ACVR2B: variants seen among roughly 807,000 people sequenced by gnomAD.
ACVR2B encodes the protein activin receptor type-2B.
Under a neutral mutation model 65.1 loss-of-function variants are expected in ACVR2B, and 18 were observed. That is an observed-to-expected ratio of 0.28 (90% CI 0.19 to 0.41). The LOEUF (loss-of-function observed/expected upper bound fraction) is 0.41. Among genes scored for constraint, ACVR2B ranks in the 10% least tolerant of loss-of-function variants. ACVR2B has a pLI of 1.00. For missense variants in ACVR2B, 482 were observed against 682.7 expected (o/e 0.71, Z 3.28); for synonymous variants, 298 against 277.7 (o/e 1.07, Z -0.73).
intron 1 of ACVR2B, chr3:38,476,279 G>A (rs752277596): frequency 6.6e-6 from 1 of 152,260 alleles, no homozygotes; most frequent in Non-Finnish European, 1.5e-5. Context: ...GAATGGGCAG[G>A]TGGGGGTTGA....
intron 10 of ACVR2B, among the ~76,000 whole-genome samples, 187 bp from the exon 11 acceptor site, chr3:38,482,951 G>C (rs1267360786): frequency 1.3e-5 from 2 of 152,170 alleles, no homozygotes; most frequent in Non-Finnish European, 2.9e-5. Context: ...AAAGATGACT[G>C]CCATGAAGGC....
rs886058388 is a variant in ACVR2B, at chr3:38,483,478, T to C, written c.*146T>C. 5.0e-5 allele frequency: 15 copies of C among 302,696 alleles called. No individual in the cohort carries two copies. Among genetic ancestry groups the C allele is most frequent in the Non-Finnish European group, 7.2e-5 (13 of 179,816 alleles). 18.8% of individuals were successfully genotyped at this position (302,696 alleles called of 1,614,324 possible). Reference sequence around the variant, plus strand: ...CCTTGACTTTTTATTATTATTATTATAATTATTATAATTATTATTATTAAT... The same window carrying C: ...CCTTGACTTTTTATTATTATTATTACAATTATTATAATTATTATTATTAAT... On this transcript the variant is annotated 3_prime_UTR_variant, in exon 11 of 11. Coordinates refer to ENST00000352511, the MANE Select transcript of ACVR2B (RefSeq NM_001106.4). The surrounding 1 kb of genome is among the most constrained non-coding windows in gnomAD (Gnocchi z 4.8).
At position 38,478,296 on chromosome 3, in the gene ACVR2B, A is replaced by G; in HGVS notation, c.522+4A>G. On this transcript the variant is annotated splice_donor_region_variant and intron_variant, in intron 4 of 10. Coordinates refer to ENST00000352511, the MANE Select transcript of ACVR2B (RefSeq NM_001106.4). ...CGGTCATGTGGACATCCATGAGGTGAGACAGTGCTGGCTTGGGGCAGGGCA... is the reference window on the plus strand; with the variant it reads ...CGGTCATGTGGACATCCATGAGGTGGGACAGTGCTGGCTTGGGGCAGGGCA... The G allele has an allele frequency of 2.5e-6, 4 of 1,613,886 alleles. No homozygotes were observed. Among genetic ancestry groups the G allele is most frequent in the Non-Finnish European group, 3.4e-6 (4 of 1,179,950 alleles).
At position 38,479,602 on chromosome 3, in the gene ACVR2B, C is replaced by T. The variant is rs908370234; in HGVS notation, c.811-76C>T. 23 of 1,566,618 alleles carry T rather than the reference C, an allele frequency of 1.5e-5. No homozygotes were observed. The Admixed American group carries it at 3.3e-4, about 23-fold the overall frequency. ...CAGCCTAGCCATTGGCCCACTGAGA[C>T]TTCTCTGCCAGGGCTGGGCTGGGTC... On this transcript the variant is annotated intron_variant, in intron 6 of 10. Transcript: ENST00000352511.
Position 38,481,345 on chromosome 3 carries a change from C to G in ACVR2B, c.960-6C>G. On this transcript the variant is annotated splice_region_variant and splice_polypyrimidine_tract_variant and intron_variant, in intron 7 of 10. Coordinates refer to ENST00000352511, the MANE Select transcript of ACVR2B (RefSeq NM_001106.4). This position sits in a 1 kb window ranked among gnomAD's most constrained non-coding sequence, Gnocchi z 4.7. ...AAGCTTTATCTCTGCCCACTTGTTT[C>G]CACAGGGACTTTAAAAGTAAGAATG... 6.2e-7 allele frequency: 1 copy of G among 1,611,010 alleles called. No individual in the cohort carries two copies. The highest frequency in any genetic ancestry group is 8.5e-7 in the Non-Finnish European group (1 of 1,177,224).
chr3:38,465,994 A>G (rs1709720800), intron 1 of ACVR2B, among the ~76,000 whole-genome samples: 1 of 152,278 alleles, frequency 6.6e-6, no homozygotes, highest in Non-Finnish European at 1.5e-5. Flanking sequence ...GCCAGAAGAT[A>G]ATAGAATGAT....
chr3:38,463,037 G>A (rs868638916), intron 1 of ACVR2B, among the ~76,000 whole-genome samples: 8 of 152,076 alleles, frequency 5.3e-5, no homozygotes, highest in Non-Finnish European at 1.2e-4. Flanking sequence ...AAGGGTGCGC[G>A]GACATGGGAA....
At chr3:38,454,576 G>C (rs899819031) in intron 1 of ACVR2B, 18 of 388,794 alleles carry the variant, frequency 4.6e-5, no homozygotes, top group Middle Eastern at 7.0e-4. Context: ...TGTCTGTGCA[G>C]TCATCTGCGG....
intron 1 of ACVR2B, chr3:38,473,815 A>T (rs950615684): frequency 2.6e-5 from 4 of 152,294 alleles, no homozygotes; most frequent in African/African-American, 9.6e-5. Context: ...TAGGACTTGA[A>T]GTCTGGCCCG....
chr3:38,479,781 T>C lies in ACVR2B; in HGVS notation c.914T>C (p.Val305Ala), dbSNP rs1559654509. The C allele has an allele frequency of 6.2e-7, 1 of 1,614,266 alleles. No homozygotes were observed. Among genetic ancestry groups the C allele is most frequent in the Non-Finnish European group, 8.5e-7 (1 of 1,180,050 alleles). ...GGCCTCTCATACCTGCATGAGGATG[T>C]GCCCTGGTGCCGTGGCGAGGGCCAC... ...SRGLSYLHED[V>A]PWCRGEGHKP... The change falls in exon 7 of 11, where the codon GTG becomes GCG. Residue 305 changes from valine to alanine, a missense_variant. Coordinates refer to ENST00000352511, the MANE Select transcript of ACVR2B (RefSeq NM_001106.4).
intron 1 of ACVR2B, among the ~76,000 whole-genome samples, chr3:38,463,703 G>A (rs986268431): frequency 1.3e-5 from 2 of 152,158 alleles, no homozygotes; most frequent in African/African-American, 4.8e-5. Context: ...TAGTACAAAT[G>A]ATACTCCAAT....
intron 1 of ACVR2B, among the ~76,000 whole-genome samples, chr3:38,463,267 T>C (rs968962353): frequency 2.0e-5 from 3 of 152,196 alleles, no homozygotes; most frequent in Non-Finnish European, 4.4e-5. Context: ...ACTAAGGCAC[T>C]TGTTGAAGGT....
chr3:38,456,580 C>T (rs1709554159), intron 1 of ACVR2B, among the ~76,000 whole-genome samples: 1 of 152,140 alleles, frequency 6.6e-6, no homozygotes. Context: ...TTTATATTGT[C>T]AAAGTTCTGG....
chr3:38,465,836 A>G (rs1261210048), intron 1 of ACVR2B, among the ~76,000 whole-genome samples: 1 of 152,256 alleles, frequency 6.6e-6, no homozygotes, highest in African/African-American at 2.4e-5. Flanking sequence ...GTAAGACAAT[A>G]AATTTGAAAA....
rs2125725311 is a variant in ACVR2B, at chr3:38,481,540, G to A, written c.1074+75G>A. 1.7e-6 allele frequency: 2 copies of A among 1,188,898 alleles called. No homozygotes were observed. Among genetic ancestry groups the A allele is most frequent in the Non-Finnish European group, 2.5e-6 (2 of 796,610 alleles). The allele number at this position is 1,188,898 out of a possible 1,614,324, so 73.6% of individuals were successfully genotyped here. On this transcript the variant is annotated intron_variant, in intron 8 of 10. Coordinates refer to ENST00000352511, the MANE Select transcript of ACVR2B (RefSeq NM_001106.4). This position sits in a 1 kb window ranked among gnomAD's most constrained non-coding sequence, Gnocchi z 4.7. Reference sequence around the variant, plus strand: ...CTTTGCCCTTTTTGTGCTCAGCTGGGGAGGTGCAGGGATGAGGGTGACTGC... The same window carrying A: ...CTTTGCCCTTTTTGTGCTCAGCTGGAGAGGTGCAGGGATGAGGGTGACTGC...
chr3:38,460,306 G>A (rs186373277), intron 1 of ACVR2B, among the ~76,000 whole-genome samples: 5 of 152,162 alleles, frequency 3.3e-5, no homozygotes, highest in African/African-American at 1.2e-4. Context: ...CAGCCCTAGA[G>A]GTGCCTATTC....
intron 1 of ACVR2B, among the ~76,000 whole-genome samples, chr3:38,456,766 C>T (rs1480075128): frequency 1.3e-5 from 2 of 152,168 alleles, no homozygotes; most frequent in Non-Finnish European, 2.9e-5. Flanking sequence ...TTCTCATTAC[C>T]TGATGGCCCC....
rs994927411 is a variant in ACVR2B at position 38,485,812 on chromosome 3, T to G, written c.*2480T>G. The G allele has an allele frequency of 6.6e-6, 1 of 152,522 alleles. No individual in the cohort carries two copies. Among genetic ancestry groups the G allele is most frequent in the Middle Eastern group, 3.4e-3 (1 of 294 alleles). 9.4% of individuals were successfully genotyped at this position (152,522 alleles called of 1,614,324 possible). ...TATTTCTTTAAGAAGCTTTAAAATA[T>G]TTATTGAAAAGTGCCATATCTAATT... On this transcript the variant is annotated 3_prime_UTR_variant, in exon 11 of 11. Coordinates refer to ENST00000352511, the MANE Select transcript of ACVR2B (RefSeq NM_001106.4).
chr3:38,469,263 T>G (rs1016407663), intron 1 of ACVR2B, among the ~76,000 whole-genome samples: 1 of 152,218 alleles, frequency 6.6e-6, no homozygotes, highest in Admixed American at 6.5e-5. Context: ...AAGAAGGAGC[T>G]GGAAACTAGA....
Sources: gnomAD v4.1 joint callset for allele counts (sites outside exome capture counted in the v4.1 genomes callset) on GRCh38, gnomAD v4.1.1 for gene constraint, Gnocchi (gnomAD v3.1) non-coding constraint, MANE v1.5 for transcripts, NCBI Gene and HGNC (gene_info 2026-07-23, HGNC 2026-07-21) for gene names.